Variants in ERI1 observed in about 807,000 individuals in gnomAD.
ERI1 encodes 3'-5' exoribonuclease 1.
A neutral mutation model predicts 39.7 loss-of-function variants in ERI1; 39 were observed. The ratio of observed to expected loss-of-function variants is 0.98; its 90% CI spans 0.76 to 1.28. The LOEUF is 1.28. ERI1 is among the 50% of genes most tolerant of loss of function. ERI1 has a pLI of 0.00. For synonymous variants in ERI1, 204 were observed against 149.6 expected (o/e 1.36, Z -2.65); for missense variants, 581 against 416.9 (o/e 1.39, Z -3.43).
At chr8:9,018,104 A>C (rs982610111) in intron 4 of ERI1, among the ~76,000 whole-genome samples, 193 bp from the exon 5 acceptor site, 1 of 152,236 alleles carries the variant, frequency 6.6e-6, no homozygotes, top group Non-Finnish European at 1.5e-5. Flanking sequence ...AAGTAGTCCC[A>C]GTACTTGGTT....
At chr8:9,098,769 C>T (rs1799958903) in intron 3 of ERI1, among the ~76,000 whole-genome samples, 1 of 152,038 alleles carries the variant, frequency 6.6e-6, no homozygotes, top group Non-Finnish European at 1.5e-5. Flanking sequence ...TGTTAAACAG[C>T]CTTATTGAGG....
intron 2 of ERI1, among the ~76,000 whole-genome samples, chr8:9,010,168 A>T (rs1331428778): frequency 6.6e-6 from 1 of 152,214 alleles, no homozygotes; most frequent in African/African-American, 2.4e-5. Context: ...AACATGGTGA[A>T]TATTTGGAAG....
intron 3 of ERI1, among the ~76,000 whole-genome samples, chr8:9,046,985 T>A (rs1798193550): frequency 1.3e-5 from 2 of 152,166 alleles, no homozygotes; most frequent in African/African-American, 2.4e-5. Flanking sequence ...TGGGCTGAGA[T>A]TTTTTTGACC....
chr8:9,087,116 G>C (rs550336647), intron 3 of ERI1, among the ~76,000 whole-genome samples: 7 of 151,916 alleles, frequency 4.6e-5, no homozygotes, highest in Non-Finnish European at 1.0e-4. Context: ...GTGTGCCATG[G>C]TGGTTTGCTG....
chr8:9,057,082 C>T (rs1401297294), intron 3 of ERI1, among the ~76,000 whole-genome samples: 1 of 152,156 alleles, frequency 6.6e-6, no homozygotes, highest in Non-Finnish European at 1.5e-5. Context: ...ATCTGCCTGC[C>T]TCGGCCTCCA....
chr8:9,019,287 C>T (rs894973534), intron 5 of ERI1, among the ~76,000 whole-genome samples: 1 of 152,162 alleles, frequency 6.6e-6, no homozygotes, highest in Non-Finnish European at 1.5e-5. Flanking sequence ...ATCCTCTATA[C>T]CTGAGATGTC....
chr8:9,041,194 G>A (rs895253), intron 3 of ERI1, among the ~76,000 whole-genome samples: 36,930 of 152,058 alleles, frequency 0.24, 4,847 homozygotes, highest in Non-Finnish European at 0.3. Context: ...AAGCAACAAC[G>A]TATTAGGGAT....
At position 9,017,552 on chromosome 8, in the gene ERI1, G is replaced by A. The variant is rs186754650; in HGVS notation, c.583-745G>A. Among the ~76,000 whole-genome samples, 18 of 152,252 alleles carry A rather than the reference G, an allele frequency of 1.2e-4. 1 individual carries two copies. The highest frequency in any genetic ancestry group is 4.6e-4 in the Admixed American group (7 of 15,292). On this transcript the variant is annotated intron_variant, in intron 4 of 6. Transcript: ENST00000250263. ...AGTCAGTGTTTTATTGCGGTGTTGT[G>A]GACATCTATGAAAAGGGCTTCCATA...
intron 3 of ERI1, among the ~76,000 whole-genome samples, chr8:9,070,180 A>G (rs983181634): frequency 1.3e-5 from 2 of 152,048 alleles, no homozygotes; most frequent in African/African-American, 2.4e-5. Flanking sequence ...CAGAGGTTGC[A>G]GTGAGCTGAG....
intron 3 of ERI1, among the ~76,000 whole-genome samples, chr8:9,013,748 C>T (rs965746372): frequency 7.2e-5 from 11 of 152,134 alleles, no homozygotes; most frequent in African/African-American, 2.7e-4. Flanking sequence ...TGGGGGATGG[C>T]AGCTTTTTCT....
downstream of ERI1, among the ~76,000 whole-genome samples, chr8:9,036,780 G>C (rs1031642526): frequency 7.2e-5 from 11 of 152,258 alleles, 1 homozygote; most frequent in African/African-American, 2.6e-4. Context: ...CATCACTGGT[G>C]ATGGCAGATT....
chr8:9,015,922 G>A (rs1428563819), intron 3 of ERI1, among the ~76,000 whole-genome samples: 1 of 152,058 alleles, frequency 6.6e-6, no homozygotes, highest in Non-Finnish European at 1.5e-5. Flanking sequence ...ATAGTTTAAA[G>A]CTAATTTATT....
rs185832321 is a variant in ERI1, at chr8:9,080,468, C to A, written n.300-35880C>A. 9.4e-3 allele frequency among the ~76,000 whole-genome samples: 1,434 copies of A among 152,318 alleles called. 9 individuals are homozygous for A. The highest frequency in any genetic ancestry group is 0.016 in the Non-Finnish European group (1,065 of 68,022). ...AGTTAGCAGACAGAGACGTGAACAG[C>A]ACACATGCTAGGCTGCCTAGAGGAG... On this transcript the variant is annotated intron_variant and non_coding_transcript_variant, in intron 3 of 3. Transcript: ENST00000518663.
At position 9,013,304 on chromosome 8, in the gene ERI1, C is replaced by T. The variant is rs139896616; in HGVS notation, c.498+1552C>T. ...TGCTAGGATTACAGGCGTGAGCCAC[C>T]ATGCCCGGCCATTCTCACTTAAAAA... On this transcript the variant is annotated intron_variant, in intron 3 of 6. Coordinates refer to ENST00000250263, the MANE Select transcript of ERI1 (RefSeq NM_153332.4). Among the ~76,000 whole-genome samples, 71 of 147,522 alleles carry T rather than the reference C, an allele frequency of 4.8e-4. 1 individual carries two copies. The East Asian group carries it at 0.014, about 29-fold the overall frequency.
chr8:9,059,476 A>G (rs545607382), intron 3 of ERI1, among the ~76,000 whole-genome samples: 133 of 152,148 alleles, frequency 8.7e-4, no homozygotes, highest in African/African-American at 2.9e-3. Context: ...TGGGAGAGAG[A>G]AGCTGAAGGA....
chr8:9,014,177 C>T (rs761010380), intron 3 of ERI1, among the ~76,000 whole-genome samples: 9 of 152,218 alleles, frequency 5.9e-5, no homozygotes, highest in African/African-American at 1.9e-4. Context: ...TCATTCCACT[C>T]CAGGCATACT....
intron 3 of ERI1, among the ~76,000 whole-genome samples, chr8:9,099,626 G>C (rs59021004): frequency 0.035 from 5,172 of 147,998 alleles, 278 homozygotes; most frequent in African/African-American, 0.11. Flanking sequence ...GAAAGAAACA[G>C]AAACCCCAAC....
At chr8:9,050,954 T>C (rs1798337651) in intron 3 of ERI1, among the ~76,000 whole-genome samples, 1 of 152,158 alleles carries the variant, frequency 6.6e-6, no homozygotes, top group African/African-American at 2.4e-5. Flanking sequence ...GGCTCATTTC[T>C]TTGTCTGGGC....
intron 3 of ERI1, among the ~76,000 whole-genome samples, chr8:9,076,520 C>A (rs954551341): frequency 6.6e-6 from 1 of 152,192 alleles, no homozygotes; most frequent in Non-Finnish European, 1.5e-5. Context: ...GACTTTCTCT[C>A]AAGTACTCCC....
Sources: allele counts gnomAD v4.1 joint callset (sites outside exome capture counted in the v4.1 genomes callset), GRCh38; gene constraint gnomAD v4.1.1; transcripts MANE v1.5; gene names NCBI Gene and HGNC (gene_info 2026-07-23, HGNC 2026-07-21).